INO80: variants seen among roughly 807,000 people sequenced by gnomAD.
The protein encoded by INO80 is INO80 complex ATPase subunit.
INO80 carries 20 observed loss-of-function variants against 203.4 expected under a neutral mutation model. The observed-to-expected ratio is 0.10, with a 90% CI of 0.07 to 0.14. The LOEUF is 0.14. Ranked by LOEUF, INO80 falls within the 10% of genes least tolerant of loss-of-function variation. The pLI is 1.00. For synonymous variants in INO80, 726 were observed against 685.2 expected, an observed-to-expected ratio of 1.06 and a Z score of -0.93; for missense variants, 1,419 against 1,914.4, an observed-to-expected ratio of 0.74 and a Z score of 4.83.
At chr15:41,039,954 AAT>A (rs755286002) in intron 24 of INO80, among the ~76,000 whole-genome samples, 5 of 152,364 alleles carry the variant, frequency 3.3e-5, no homozygotes, top group Non-Finnish European at 7.3e-5. Context: ...ACATTGGAGA[AAT>A]AGAGTACGAA....
chr15:41,103,547 G>T (rs1011000870), intron 1 of INO80, among the ~76,000 whole-genome samples: 1 of 151,948 alleles, frequency 6.6e-6, no homozygotes, highest in African/African-American at 2.4e-5. Context: ...CCGCCACCAC[G>T]CCCGGCTAAT....
Position 40,982,975 on chromosome 15 carries a change from C to G in INO80, c.4340G>C (p.Gly1447Ala). The change falls in exon 35 of 36, where the codon GGC becomes GCC. Residue 1447 changes from glycine (G) to alanine (A), a missense_variant. Around this residue, in one of 9 missense-constraint regions of INO80, gnomAD observed 214 missense variants for 248.9 expected, o/e 0.86. Coordinates refer to ENST00000648947, the MANE Select transcript of INO80 (RefSeq NM_017553.3). ...SGSTAKGAGK[G>A]RSRKSTAGSA... ...GCCTGCCGTGGACTTTCGGCTCCGG[C>G]CCTTCCCTGCTCCTTTGGCTGTGCT... is the stretch of plus-strand genomic sequence containing the variant. 2 of 1,614,212 alleles carry G rather than the reference C, an allele frequency of 1.2e-6. No homozygotes were observed. Among genetic ancestry groups the G allele is most frequent in the Non-Finnish European group, 1.7e-6 (2 of 1,180,042 alleles).
intron 26 of INO80, 26 bp from the exon 27 acceptor site, chr15:41,016,241 G>A (rs1566912033): frequency 1.9e-6 from 3 of 1,609,730 alleles, no homozygotes; most frequent in Non-Finnish European, 2.5e-6. Context: ...GGGGGTGAGG[G>A]GGAACTGTAT....
At chr15:41,019,612 G>C (rs2044259753) in intron 26 of INO80, 1 of 152,166 alleles carries the variant, frequency 6.6e-6, no homozygotes, top group African/African-American at 2.4e-5. Context: ...CTCTTGCCTG[G>C]GATTCTGTAG....
chr15:41,028,185 G>C (rs1004142322), intron 24 of INO80, among the ~76,000 whole-genome samples: 1 of 151,606 alleles, frequency 6.6e-6, no homozygotes, highest in East Asian at 1.9e-4. Flanking sequence ...ACCTAGGCTA[G>C]AGTACAGTGG....
At position 41,104,206 on chromosome 15, in the gene INO80, CAAAAAA is replaced by C. The variant is rs35510472; in HGVS notation, c.-43-7859_-43-7854del. 2.5e-3 allele frequency among the ~76,000 whole-genome samples: 104 copies of C among 41,522 alleles called. 1 individual carries two copies. The highest frequency in any genetic ancestry group is 2.8e-3 in the East Asian group (3 of 1,058). 27.2% of individuals were successfully genotyped at this position (41,522 alleles called of 152,430 possible). A position where few individuals can be genotyped will look rare whatever the true frequency, so the allele number is the denominator to read the frequency against. On this transcript the variant is annotated intron_variant, in intron 1 of 35. Coordinates refer to ENST00000648947, the MANE Select transcript of INO80 (RefSeq NM_017553.3). ...GGGCAATGAGAGCAAAACTCCATCTCAAAAAAAAAAAAAAAAAAAAAAAAAGTAATA... is the reference window on the plus strand; with the variant it reads ...GGGCAATGAGAGCAAAACTCCATCTCAAAAAAAAAAAAAAAAAAAGTAATA...
chr15:41,105,635 G>C (rs773697454), intron 1 of INO80, among the ~76,000 whole-genome samples: 44 of 152,108 alleles, frequency 2.9e-4, no homozygotes, highest in Non-Finnish European at 1.5e-4. Flanking sequence ...CTATGCCACT[G>C]GAGTACTTCA....
intron 25 of INO80, among the ~76,000 whole-genome samples, chr15:41,022,353 T>C (rs2044307301): frequency 6.6e-6 from 1 of 152,158 alleles, no homozygotes; most frequent in South Asian, 2.1e-4. Flanking sequence ...TATTAACTTT[T>C]CTCCTTTTGT....
intron 5 of INO80, among the ~76,000 whole-genome samples, chr15:41,089,995 C>T (rs1016920131): frequency 8.6e-5 from 13 of 152,026 alleles, no homozygotes; most frequent in South Asian, 2.1e-4. Context: ...TGAAGAGAAA[C>T]GAAAACACAT....
rs774329529 is a variant in INO80 at position 40,982,878 on chromosome 15, C to T, written c.4437G>A (p.Gly1479=). 6.2e-7 allele frequency: 1 copy of T among 1,613,144 alleles called. No individual in the cohort carries two copies. Among genetic ancestry groups the T allele is most frequent in the South Asian group, 1.1e-5 (1 of 91,026 alleles). ...AASAAAYAAY[G]YNVSKGISAS... ...CTTCTGTACCTTTAGACACGTTGTA[C>T]CCGTATGCGGCATAGGCAGCTGCAG... Residue 1479 remains glycine (G), a synonymous_variant, in exon 35 of 36, where the codon GGG becomes GGA. Transcript: ENST00000648947.
chr15:41,024,660 T>C (rs904797452), intron 25 of INO80: 1 of 152,242 alleles, frequency 6.6e-6, no homozygotes, highest in East Asian at 1.9e-4. Flanking sequence ...CCTAAGGCCT[T>C]AATTTATTAA....
In INO80 at chr15:40,979,117, C is replaced by G. The variant is rs1384764116; in HGVS notation, c.*1106G>C. ...AATGATTCCCCTATACCCCCTACTC[C>G]AAAAAAGTTTTAAAAATCAATCTAT... On this transcript the variant is annotated 3_prime_UTR_variant, in exon 36 of 36. Coordinates refer to ENST00000648947, the MANE Select transcript of INO80 (RefSeq NM_017553.3). 1 of 152,514 alleles carries G rather than the reference C, an allele frequency of 6.6e-6. No individual in the cohort carries two copies. The highest frequency in any genetic ancestry group is 1.9e-4 in the East Asian group (1 of 5,190). 9.4% of individuals were successfully genotyped at this position (152,514 alleles called of 1,614,324 possible).
intron 23 of INO80, among the ~76,000 whole-genome samples, chr15:41,046,593 T>C (rs2044771855): frequency 1.3e-5 from 2 of 151,844 alleles, no homozygotes; most frequent in African/African-American, 2.4e-5. Flanking sequence ...AATTCACTTA[T>C]GAATAACAAA....
chr15:41,083,712 C>CA (rs10706037), intron 7 of INO80, among the ~76,000 whole-genome samples: 10,732 of 84,980 alleles, frequency 0.13, 1,510 homozygotes, highest in African/African-American at 0.37. Context: ...GACTCCGTCT[C>CA]AAAAAAAAAA....
chr15:41,068,263 A>C (rs1193801821), intron 14 of INO80, among the ~76,000 whole-genome samples: 1 of 152,014 alleles, frequency 6.6e-6, no homozygotes, highest in Non-Finnish European at 1.5e-5. Flanking sequence ...TCTACTAAAA[A>C]AGCAAAATGG....
chr15:41,114,912 G>T (rs1441036935), intron 1 of INO80, among the ~76,000 whole-genome samples: 1 of 152,112 alleles, frequency 6.6e-6, no homozygotes, highest in Admixed American at 6.6e-5. Flanking sequence ...GGCTTCTAGA[G>T]ATTCTCTTTT....
rs1331547204 is a variant in INO80, at chr15:41,056,683, T to G, written c.2009A>C (p.Gln670Pro). The G allele has an allele frequency of 2.5e-6, 4 of 1,613,974 alleles. No homozygotes were observed. Among genetic ancestry groups the G allele is most frequent in the Admixed American group, 1.7e-5 (1 of 60,000 alleles). ...CAAAAGCCGATTCCGACACTGGAAC[T>G]GTAAGAGGATCTTCCAACGAACACT... ...SSSVRWKILL[Q>P]FQCRNRLLLT... The change falls in exon 17 of 36, where the codon CAG (glutamine) becomes CCG (proline). Residue 670 changes from glutamine (Q) to proline (P), a missense_variant. By Grantham distance (76) the Gln-to-Pro change is moderately conservative. Transcript: ENST00000648947.
intron 27 of INO80, among the ~76,000 whole-genome samples, chr15:41,013,716 TGTA>T (rs1184045367): frequency 6.6e-6 from 1 of 152,168 alleles, no homozygotes; most frequent in Non-Finnish European, 1.5e-5. Context: ...GAACCATTAG[TGTA>T]GTATTAAGGA....
At chr15:41,084,583 T>C (rs1248858509) in intron 7 of INO80, among the ~76,000 whole-genome samples, 2 of 152,032 alleles carry the variant, frequency 1.3e-5, no homozygotes, top group South Asian at 4.1e-4. Context: ...TAAAATAAAA[T>C]GTTATCAAAA....
Sources: gnomAD v4.1 joint callset for allele counts (sites outside exome capture counted in the v4.1 genomes callset) on GRCh38, gnomAD v4.1.1 for gene constraint, gnomAD v4.1.1 regional missense constraint, MANE v1.5 for transcripts, NCBI Gene and HGNC (gene_info 2026-07-23, HGNC 2026-07-21) for gene names.